Variants in AP3M1 observed in about 807,000 individuals in gnomAD.
AP3M1 encodes the protein adaptor related protein complex 3 subunit mu 1, also known as AP-3 complex subunit mu-1.
Under a neutral mutation model 42.6 loss-of-function variants are expected in AP3M1, and 29 were observed. The observed-to-expected ratio is 0.68, with a 90% CI of 0.51 to 0.93. The LOEUF (loss-of-function observed/expected upper bound fraction) is 0.93. Among genes scored for constraint, AP3M1 ranks in the 40% least tolerant of loss-of-function variants. The pLI, the probability that AP3M1 is intolerant of heterozygous loss-of-function variation, is 0.00. For missense variants in AP3M1, 416 were observed against 510.2 expected (o/e 0.82, Z 1.78); for synonymous variants, 178 against 175.3 (o/e 1.02, Z -0.12).
chr10:74,146,307 T>G (rs1841323943), intron 1 of AP3M1, among the ~76,000 whole-genome samples: 1 of 152,262 alleles, frequency 6.6e-6, no homozygotes, highest in Non-Finnish European at 1.5e-5. Flanking sequence ...GTTTGGACTT[T>G]ATTCTTAGTG....
chr10:74,134,123 A>G lies in AP3M1; in HGVS notation c.487T>C (p.Ser163Pro), dbSNP rs1370803057. 1 of 1,614,078 alleles carries G rather than the reference A, an allele frequency of 6.2e-7. No individual in the cohort carries two copies. Among genetic ancestry groups the G allele is most frequent in the African/African-American group, 1.3e-5 (1 of 74,922 alleles). Residue 163 changes from serine (S) to proline (P), a missense_variant, in exon 4 of 9, where the codon TCC becomes CCC. Transcript: ENST00000355264. ...VGDTLPTGQL[S>P]NIPWRRAGVK... Reference sequence around the variant, plus strand: ...CCTGCCCGACGCCATGGTATGTTGGACAGCTGCCCGGTGGGGAGTGTGTCC... The same window carrying G: ...CCTGCCCGACGCCATGGTATGTTGGGCAGCTGCCCGGTGGGGAGTGTGTCC...
chr10:74,128,240 C>T (rs1269897587), intron 6 of AP3M1, among the ~76,000 whole-genome samples: 1 of 146,848 alleles, frequency 6.8e-6, no homozygotes, highest in Non-Finnish European at 1.5e-5. Flanking sequence ...ATCCCCAATG[C>T]TAAATTTTTT....
chr10:74,137,104 A>G (rs1840972294), intron 2 of AP3M1, among the ~76,000 whole-genome samples: 1 of 152,020 alleles, frequency 6.6e-6, no homozygotes, highest in South Asian at 2.1e-4. Flanking sequence ...GCTGAGTGTG[A>G]TGGTGCACAC....
chr10:74,139,941 G>A (rs1841089974), intron 1 of AP3M1, among the ~76,000 whole-genome samples: 1 of 150,518 alleles, frequency 6.6e-6, no homozygotes, highest in African/African-American at 2.4e-5. Context: ...AATCCCAGCT[G>A]CCTTTTCGTG....
chr10:74,136,905 T>G, intron 2 of AP3M1, 102 bp from the exon 3 acceptor site: 1 of 725,462 alleles, frequency 1.4e-6, no homozygotes, highest in Admixed American at 3.6e-5. Context: ...CATAATTCAT[T>G]GCTTAAGCTG....
At chr10:74,130,597 C>T (rs552257161) in intron 4 of AP3M1, among the ~76,000 whole-genome samples, 52 of 151,850 alleles carry the variant, frequency 3.4e-4, no homozygotes, top group African/African-American at 1.1e-3. Flanking sequence ...TGCACCTCCA[C>T]GCCTGGCTAA....
At position 74,148,535 on chromosome 10, in the gene AP3M1, T is replaced by C. The variant is rs370669530; in HGVS notation, c.-4+2220A>G. ...TATTTAAATCTGCAAAGAACTCCCA[T>C]AGCGTATGTGTATATGTATTTTTTT... On this transcript the variant is annotated intron_variant, in intron 1 of 8. Coordinates refer to ENST00000355264, the MANE Select transcript of AP3M1 (RefSeq NM_012095.6). 1.7e-4 allele frequency among the ~76,000 whole-genome samples: 26 copies of C among 152,294 alleles called. 2 individuals carry two copies. In the South Asian group the frequency reaches 4.1e-3, roughly 24 times the overall value.
At chr10:74,145,770 C>A (rs1175110696) in intron 1 of AP3M1, among the ~76,000 whole-genome samples, 14 of 152,132 alleles carry the variant, frequency 9.2e-5, no homozygotes, top group Admixed American at 9.2e-4. Context: ...CATCATAAAT[C>A]CTTTTTACTA....
chr10:74,139,503 C>T (rs1443103204), intron 1 of AP3M1, among the ~76,000 whole-genome samples: 6 of 151,216 alleles, frequency 4.0e-5, no homozygotes, highest in South Asian at 2.1e-4. Flanking sequence ...AATTTCAGGC[C>T]GGGCGTGGTG....
At chr10:74,146,345 T>A (rs553954274) in intron 1 of AP3M1, among the ~76,000 whole-genome samples, 13 of 152,340 alleles carry the variant, frequency 8.5e-5, no homozygotes, top group African/African-American at 2.6e-4. Context: ...ATAATTTTTT[T>A]AATTAATCAT....
Position 74,123,771 on chromosome 10 carries a change from T to C in AP3M1, c.*39A>G. On this transcript the variant is annotated 3_prime_UTR_variant, in exon 9 of 9. Transcript: ENST00000355264. Reference sequence around the variant, plus strand: ...TAATAGTGATACATCGTAATGACACTTGGAAAACAAACTGGTCCTGAGGAA... The same window carrying C: ...TAATAGTGATACATCGTAATGACACCTGGAAAACAAACTGGTCCTGAGGAA... 6.7e-7 allele frequency: 1 copy of C among 1,502,962 alleles called. No individual in the cohort carries two copies. Among genetic ancestry groups the C allele is most frequent in the Non-Finnish European group, 9.3e-7 (1 of 1,078,868 alleles). The allele number at this position is 1,502,962 out of a possible 1,614,324, so 93.1% of individuals were successfully genotyped here.
intron 6 of AP3M1, among the ~76,000 whole-genome samples, chr10:74,127,474 T>A (rs1840652161): frequency 6.6e-6 from 1 of 150,432 alleles, no homozygotes; most frequent in Non-Finnish European, 1.5e-5. Flanking sequence ...TGAAATCCCC[T>A]CTCTAATAAA....
intron 4 of AP3M1, among the ~76,000 whole-genome samples, chr10:74,130,340 T>C (rs1840745418): frequency 6.6e-6 from 1 of 152,174 alleles, no homozygotes; most frequent in Non-Finnish European, 1.5e-5. Context: ...TACTTAACTC[T>C]GGCTGGAATA....
chr10:74,125,544 C>A (rs1840588633), intron 7 of AP3M1, among the ~76,000 whole-genome samples: 1 of 152,094 alleles, frequency 6.6e-6, no homozygotes, highest in African/African-American at 2.4e-5. Flanking sequence ...TGATGTTATT[C>A]AAAAAACATG....
intron 2 of AP3M1, among the ~76,000 whole-genome samples, 173 bp from the exon 3 acceptor site, chr10:74,136,976 A>G (rs1485104327): frequency 6.6e-6 from 1 of 152,248 alleles, no homozygotes; most frequent in Non-Finnish European, 1.5e-5. Flanking sequence ...ATGGTGGCCC[A>G]TGCCTGTAAT....
At position 74,124,392 on chromosome 10, in the gene AP3M1, G is replaced by A. The variant is rs1840555094; in HGVS notation, c.1144C>T (p.Leu382Phe). Residue 382 changes from leucine (L) to phenylalanine (F), a missense_variant, in exon 8 of 9, where the codon CTT becomes TTT. Physicochemically the swap from Leu to Phe is conservative, Grantham distance 22 (BLOSUM62 0). Coordinates refer to ENST00000355264, the MANE Select transcript of AP3M1 (RefSeq NM_012095.6). The part of the protein sequence containing the change: ...SLNIQFKIQQ[L>F]AISGLKVNRL... ...ACCTTATCCTTACCTGAAATAGCAA[G>A]CTGCTGGATCTTAAACTGTATGTTG... is the stretch of plus-strand genomic sequence containing the variant. 3 of 1,606,280 alleles carry A rather than the reference G, an allele frequency of 1.9e-6. No homozygotes were observed. The highest frequency in any genetic ancestry group is 2.5e-6 in the Non-Finnish European group (3 of 1,178,032).
In AP3M1 at chr10:74,144,410, G is replaced by A. The variant is rs552689633; in HGVS notation, c.-3-6028C>T. Among the ~76,000 whole-genome samples, 37 of 151,848 alleles carry A rather than the reference G, an allele frequency of 2.4e-4. 1 individual carries two copies. In the South Asian group the frequency reaches 4.4e-3, roughly 18 times the overall value. On this transcript the variant is annotated intron_variant, in intron 1 of 8. Transcript: ENST00000355264. ...CTCCTGAGTAGCTGGGCTTACAGGC[G>A]TGCATCACCACACACAGCTGAGTTT... is the stretch of plus-strand genomic sequence containing the variant.
chr10:74,144,537 G>A (rs773540566), intron 1 of AP3M1, among the ~76,000 whole-genome samples: 5 of 152,052 alleles, frequency 3.3e-5, no homozygotes, highest in Non-Finnish European at 7.4e-5. Flanking sequence ...CCAAAGTTCT[G>A]GGATTACAGG....
At chr10:74,133,240 C>G (rs537592125) in intron 4 of AP3M1, among the ~76,000 whole-genome samples, 3 of 152,184 alleles carry the variant, frequency 2.0e-5, no homozygotes, top group African/African-American at 7.2e-5. Context: ...ACCAAAAACA[C>G]AAAATTAGCT....
Sources: allele counts gnomAD v4.1 joint callset (sites outside exome capture counted in the v4.1 genomes callset), GRCh38; gene constraint gnomAD v4.1.1; transcripts MANE v1.5; gene names NCBI Gene and HGNC (gene_info 2026-07-23, HGNC 2026-07-21).